Variants in POLR3A observed in about 807,000 individuals in gnomAD.
POLR3A encodes the protein DNA-directed RNA polymerase III subunit RPC1.
In POLR3A, 112 loss-of-function variants were observed where a neutral mutation model predicts 152.8. The ratio of observed to expected loss-of-function variants is 0.73; its 90% CI spans 0.63 to 0.86. The LOEUF (loss-of-function observed/expected upper bound fraction) is 0.86. POLR3A is among the 40% of genes least tolerant of loss of function. POLR3A has a pLI of 0.00. For missense variants in POLR3A, 1,385 were observed against 1,743.1 expected (o/e 0.79, Z 3.66); for synonymous variants, 615 against 652.1 (o/e 0.94, Z 0.87).
intron 1 of POLR3A, among the ~76,000 whole-genome samples, chr10:78,027,445 G>A (rs1254958793): frequency 6.6e-6 from 1 of 152,150 alleles, no homozygotes; most frequent in African/African-American, 2.4e-5. Flanking sequence ...GGATCACGAG[G>A]CAAGGAGATT....
At chr10:78,025,275 C>A in intron 3 of POLR3A, 133 bp from the exon 4 acceptor site, 1 of 923,464 alleles carries the variant, frequency 1.1e-6, no homozygotes, top group Non-Finnish European at 1.7e-6. Context: ...TGGCTCTATA[C>A]TATGGATATG....
chr10:78,021,339 AAAC>A (rs1847577288), intron 8 of POLR3A, among the ~76,000 whole-genome samples: 1 of 152,212 alleles, frequency 6.6e-6, no homozygotes, highest in Admixed American at 6.5e-5. Context: ...ATGAAACTAG[AAAC>A]AACTGTGGCT....
intron 9 of POLR3A, 87 bp from the exon 10 acceptor site, chr10:78,017,803 T>G: frequency 4.3e-6 from 6 of 1,393,352 alleles, no homozygotes; most frequent in Non-Finnish European, 6.1e-6. Flanking sequence ...CAATCTTTAA[T>G]ATATTATTTC....
chr10:78,016,798 C>T lies in POLR3A; in HGVS notation c.1431+777G>A, dbSNP rs527382057. Among the ~76,000 whole-genome samples, 710 of 149,794 alleles carry T rather than the reference C, an allele frequency of 4.7e-3. 5 individuals are homozygous for T. The highest frequency in any genetic ancestry group is 7.1e-3 in the Non-Finnish European group (482 of 67,750). On this transcript the variant is annotated intron_variant, in intron 10 of 30. Transcript: ENST00000372371. The stretch of plus-strand genomic sequence containing the variant: ...GCTGAGGTGGGAGGATCGCTTGAGC[C>T]GAGGCGGTCAAAGCTGCAATGAGCC...
Position 77,982,192 on chromosome 10 carries a change from C to T in POLR3A, c.3721G>A (p.Val1241Met), listed in dbSNP as rs886141646. 3.1e-6 allele frequency: 5 copies of T among 1,614,098 alleles called. No individual in the cohort carries two copies. The highest frequency in any genetic ancestry group is 3.4e-6 in the Non-Finnish European group (4 of 1,180,024). ...TTGGAGGTGGTTCGGGTGCCCTTCA[C>T]ACCGTGTGTGGCCATGACTGCCCGC... ...NLRAVMATHGVKGTRTTSNNT... is the reference protein window; with the variant it reads ...NLRAVMATHGMKGTRTTSNNT... Residue 1241 changes from valine (V) to methionine (M), a missense_variant, in exon 28 of 31, where the codon GTG (valine) becomes ATG (methionine). Physicochemically the swap from Val to Met is conservative, Grantham distance 21 (BLOSUM62 1). Transcript: ENST00000372371.
intron 4 of POLR3A, 26 bp from the exon 5 acceptor site, chr10:78,024,729 G>T: frequency 6.3e-7 from 1 of 1,594,890 alleles, no homozygotes; most frequent in South Asian, 1.1e-5. Context: ...TATTTACCAA[G>T]AAATAAAAAA....
chr10:78,013,756 T>C lies in POLR3A; in HGVS notation c.1466A>G (p.Asn489Ser), dbSNP rs1428361730. ...RVKPHRTFRF[N>S]ECVCTPYNAD... ...ATTATAGGGTGTACAGACACACTCA[T>C]TAAATCTGAAGGTCCGGTGGGGCTT... Residue 489 changes from asparagine (N) to serine (S), a missense_variant, in exon 11 of 31, where the codon AAT (asparagine) becomes AGT (serine). Around this residue, in one of 7 missense-constraint regions of POLR3A, gnomAD observed 493 missense variants for 647.5 expected, o/e 0.76. Transcript: ENST00000372371. 4 of 1,614,012 alleles carry C rather than the reference T, an allele frequency of 2.5e-6. No homozygotes were observed. The highest frequency in any genetic ancestry group is 3.4e-6 in the Non-Finnish European group (4 of 1,180,004).
In POLR3A at chr10:77,991,149, T is replaced by C. The variant is rs1847244241; in HGVS notation, c.2806A>G (p.Ser936Gly). 6.2e-7 allele frequency: 1 copy of C among 1,610,852 alleles called. No individual in the cohort carries two copies. Among genetic ancestry groups the C allele is most frequent in the African/African-American group, 1.3e-5 (1 of 75,028 alleles). ...TCGTTTTTGCTGAGAGCAGGCTCAC[T>C]GGGACACGGGAAGACTGCCTTGAGT... Reference protein sequence around the residue: ...DNIKAVFPCPSEPALSKNELI... With the variant: ...DNIKAVFPCPGEPALSKNELI... The change falls in exon 21 of 31, where the codon AGT becomes GGT. Residue 936 changes from serine to glycine, a missense_variant. Around this residue, in one of 7 missense-constraint regions of POLR3A, gnomAD observed 178 missense variants for 204.6 expected, o/e 0.87. Coordinates refer to ENST00000372371, the MANE Select transcript of POLR3A (RefSeq NM_007055.4).
chr10:78,016,395 C>G (rs1847523920), intron 10 of POLR3A, among the ~76,000 whole-genome samples: 1 of 146,126 alleles, frequency 6.8e-6, no homozygotes, highest in South Asian at 2.2e-4. Flanking sequence ...ACACCAAGAC[C>G]TCAGCTCCAC....
chr10:78,027,460 C>T (rs1295520284), intron 1 of POLR3A, among the ~76,000 whole-genome samples: 3 of 152,098 alleles, frequency 2.0e-5, no homozygotes, highest in Non-Finnish European at 2.9e-5. Flanking sequence ...GAGATTGAGA[C>T]CATCCTGGCT....
intron 14 of POLR3A, 130 bp downstream of exon 14, chr10:78,009,407 A>C: frequency 7.8e-7 from 1 of 1,288,130 alleles, no homozygotes; most frequent in Admixed American, 1.7e-5. Context: ...CTGAAGAAAA[A>C]ACTTTCCACC....
chr10:78,029,377 C>T lies in POLR3A; in HGVS notation c.31G>A (p.Val11Met), dbSNP rs1221219240. Residue 11 changes from valine to methionine, a missense_variant, in exon 1 of 31, where the codon GTG becomes ATG. Val to Met is a conservative substitution (Grantham distance 21). Coordinates refer to ENST00000372371, the MANE Select transcript of POLR3A (RefSeq NM_007055.4). Reference protein sequence around the residue: MVKEQFRETDVAKKISHICFG... With the variant: MVKEQFRETDMAKKISHICFG... ...ACTCCGTCTTACATTTTCTTGGCCA[C>T]ATCCGTCTCCCGGAACTGCTCCTTC... is the stretch of plus-strand genomic sequence containing the variant. 1 of 1,614,138 alleles carries T rather than the reference C, an allele frequency of 6.2e-7. No individual in the cohort carries two copies. The highest frequency in any genetic ancestry group is 8.5e-7 in the Non-Finnish European group (1 of 1,180,032).
At position 77,977,349 on chromosome 10, in the gene POLR3A, G is replaced by A; in HGVS notation, c.*129C>T. The A allele has an allele frequency of 1.1e-6, 1 of 923,788 alleles. No homozygotes were observed. Among genetic ancestry groups the A allele is most frequent in the Non-Finnish European group, 1.8e-6 (1 of 556,002 alleles). 57.2% of individuals were successfully genotyped at this position (923,788 alleles called of 1,614,324 possible). ...GAAGCTGCTCCTGGGGATGCCAAGA[G>A]GGCTTCTCTGATTGCTGGCATAGGT... On this transcript the variant is annotated 3_prime_UTR_variant, in exon 31 of 31. Transcript: ENST00000372371.
At position 77,976,109 on chromosome 10, in the gene POLR3A, A is replaced by C. The variant is rs1847086443; in HGVS notation, c.*1369T>G. The C allele has an allele frequency of 6.6e-6, 1 of 151,850 alleles. No homozygotes were observed. Among genetic ancestry groups the C allele is most frequent in the Non-Finnish European group, 1.5e-5 (1 of 67,980 alleles). The allele number at this position is 151,850 out of a possible 1,614,324, so 9.4% of individuals were successfully genotyped here. On this transcript the variant is annotated 3_prime_UTR_variant, in exon 31 of 31. Coordinates refer to ENST00000372371, the MANE Select transcript of POLR3A (RefSeq NM_007055.4). ...CAAACTATAATTTTTTATAAAAACT[A>C]ATTTTTTTTTACGCTTAATTTTTTT...
rs147505655 is a variant in POLR3A, at chr10:78,006,530, T to G, written c.2074+1172A>C. Among the ~76,000 whole-genome samples, 116 of 150,816 alleles carry G rather than the reference T, an allele frequency of 7.7e-4. 1 individual carries two copies. In the East Asian group the frequency reaches 0.016, roughly 20 times the overall value. ...TCAACAGAAGTATTAAAAGATAAAG[T>G]GAATCTAGAATAAAGAAATGGCAAA... On this transcript the variant is annotated intron_variant, in intron 15 of 30. Coordinates refer to ENST00000372371, the MANE Select transcript of POLR3A (RefSeq NM_007055.4).
At position 78,000,048 on chromosome 10, in the gene POLR3A, T is replaced by G; in HGVS notation, c.2549A>C (p.His850Pro). 6.2e-7 allele frequency: 1 copy of G among 1,614,010 alleles called. No homozygotes were observed. The highest frequency in any genetic ancestry group is 1.3e-5 in the African/African-American group (1 of 75,014). ...TAGACCTTCCCGGCCGGCCATTGTG[T>G]GGAAGAAAAACTCAGTTGGTGTCAA... is the stretch of plus-strand genomic sequence containing the variant. ...SGLTPTEFFFHTMAGREGLVD... is the reference protein window; with the variant it reads ...SGLTPTEFFFPTMAGREGLVD... Residue 850 changes from histidine to proline, a missense_variant, in exon 19 of 31, where the codon CAC becomes CCC. Coordinates refer to ENST00000372371, the MANE Select transcript of POLR3A (RefSeq NM_007055.4).
In POLR3A at chr10:77,986,154, T is replaced by C. The variant is rs1847196562; in HGVS notation, c.2907A>G (p.Ile969Met). 1.1e-5 allele frequency: 17 copies of C among 1,481,790 alleles called. No homozygotes were observed. The highest frequency in any genetic ancestry group is 1.6e-5 in the Non-Finnish European group (17 of 1,059,444). The allele number at this position is 1,481,790 out of a possible 1,614,324, so 91.8% of individuals were successfully genotyped here. ...LCCQDSFLQE[I>M]KKFIKGVSEK... ...CAGAGACCCCCTTAATGAATTTTTT[T>C]ATTTCCTGAAAGATTACACAGCAAA... is the stretch of plus-strand genomic sequence containing the variant. The change falls in exon 22 of 31, where the codon ATA (isoleucine) becomes ATG (methionine). Residue 969 changes from isoleucine (I) to methionine (M), a missense_variant. Ile to Met is a conservative substitution (Grantham distance 10). This residue lies in a region of POLR3A where 178 missense variants were observed against 204.6 expected (regional missense o/e 0.87). Transcript: ENST00000372371.
intron 19 of POLR3A, among the ~76,000 whole-genome samples, chr10:77,994,247 C>T (rs115349675): frequency 0.012 from 1,791 of 152,150 alleles, 35 homozygotes; most frequent in African/African-American, 0.039. Context: ...AGATGATACA[C>T]GAGCTACAGG....
At chr10:77,986,239 G>A in intron 21 of POLR3A, 80 bp from the exon 22 acceptor site, 1 of 813,192 alleles carries the variant, frequency 1.2e-6, no homozygotes, top group South Asian at 1.3e-5. Context: ...AACCTCAGTT[G>A]TATATGACAA....
Sources: allele counts gnomAD v4.1 joint callset (sites outside exome capture counted in the v4.1 genomes callset), GRCh38; gene constraint gnomAD v4.1.1; regional missense constraint gnomAD v4.1.1; transcripts MANE v1.5; gene names NCBI Gene and HGNC (gene_info 2026-07-23, HGNC 2026-07-21).